DORIP1: variants seen among roughly 807,000 people sequenced by gnomAD.
DORIP1 encodes the protein dopamine receptor-interacting protein 1.
the DORIP1 span, chr14:44,904,233 GT>G: frequency 1.0e-6 from 1 of 985,034 alleles, no homozygotes; most frequent in South Asian, 4.7e-5. Flanking sequence ...GAACTATTAG[GT>G]GATATAAGGT....
the DORIP1 span, among the ~76,000 whole-genome samples, chr14:44,897,812 C>T: frequency 6.6e-6 from 1 of 152,176 alleles, no homozygotes. Flanking sequence ...GGGGGCTCCC[C>T]GGGGGCGCAC....
At chr14:44,900,403 T>C in the DORIP1 span, 1 of 1,407,802 alleles carries the variant, frequency 7.1e-7, no homozygotes, top group Admixed American at 2.7e-5. Context: ...GTTACAATTT[T>C]ATGTGTTCTG....
At chr14:44,899,802 A>G in the DORIP1 span, among the ~76,000 whole-genome samples, 8 of 148,356 alleles carry the variant, frequency 5.4e-5, no homozygotes, top group African/African-American at 2.0e-4. Flanking sequence ...AATGTTTTTA[A>G]TAGCTTTATT....
chr14:44,905,547 A>G, the DORIP1 span: 1 of 1,493,520 alleles, frequency 6.7e-7, no homozygotes, highest in Non-Finnish European at 9.1e-7. Flanking sequence ...CAACAGAGAA[A>G]TAAATATAGA....
chr14:44,904,468 C>T, the DORIP1 span: 4 of 1,612,302 alleles, frequency 2.5e-6, no homozygotes, highest in Non-Finnish European at 3.4e-6. Context: ...CTTAAATATG[C>T]AACATTGGAA....
At chr14:44,900,293 A>T in the DORIP1 span, 2 of 703,212 alleles carry the variant, frequency 2.8e-6, no homozygotes, top group Non-Finnish European at 4.1e-6. Context: ...TGGCTCATTT[A>T]AATTTTTTTG....
chr14:44,904,820 C>T, the DORIP1 span: 7 of 250,596 alleles, frequency 2.8e-5, no homozygotes, highest in African/African-American at 1.1e-4. Context: ...TGTCAGTTTT[C>T]TTATCTATAA....
At chr14:44,903,256 G>A in the DORIP1 span, 1 of 1,613,420 alleles carries the variant, frequency 6.2e-7, no homozygotes, top group East Asian at 2.2e-5. Context: ...GGCTGTGAAT[G>A]AGTTATTCTG....
the DORIP1 span, among the ~76,000 whole-genome samples, chr14:44,897,844 T>C: frequency 1.3e-5 from 2 of 152,184 alleles, no homozygotes; most frequent in Admixed American, 6.5e-5. Flanking sequence ...GCCTTGTCCC[T>C]GTCCCGAAGT....
the DORIP1 span, chr14:44,899,122 T>C: frequency 6.6e-6 from 1 of 152,230 alleles, no homozygotes; most frequent in Non-Finnish European, 1.5e-5. Flanking sequence ...TTGTCCCAAG[T>C]AAAGTGAAGG....
chr14:44,904,882 C>T, the DORIP1 span: 1 of 185,182 alleles, frequency 5.4e-6, no homozygotes, highest in Admixed American at 5.9e-5. Flanking sequence ...ATTTAATAAG[C>T]ACATACTAAG....
chr14:44,903,502 T>TCC, the DORIP1 span: 2 of 1,156,536 alleles, frequency 1.7e-6, no homozygotes, highest in African/African-American at 1.6e-5. Context: ...TTTTCTTTTT[T>TCC]CCCCCCCCAC....
the DORIP1 span, among the ~76,000 whole-genome samples, chr14:44,900,083 G>A: frequency 6.6e-6 from 1 of 152,096 alleles, no homozygotes; most frequent in Non-Finnish European, 1.5e-5. Flanking sequence ...GCCCGCCTCA[G>A]CCTCCCAAAG....
At chr14:44,900,222 C>CA in the DORIP1 span, among the ~76,000 whole-genome samples, 1 of 151,942 alleles carries the variant, frequency 6.6e-6, no homozygotes, top group Non-Finnish European at 1.5e-5. Flanking sequence ...ATCTGTACCT[C>CA]AAAAAAAGAC....
the DORIP1 span, chr14:44,900,560 T>A: frequency 6.2e-7 from 1 of 1,609,876 alleles, no homozygotes; most frequent in Non-Finnish European, 8.5e-7. Context: ...CGCAAAGCAG[T>A]ATCCTGTACA....
the DORIP1 span, chr14:44,903,149 ATATAT>A: frequency 8.1e-7 from 1 of 1,238,854 alleles, no homozygotes; most frequent in Non-Finnish European, 1.2e-6. Context: ...ATTTGTTATA[ATATAT>A]TAAGATATAA....
At chr14:44,904,681 C>A in the DORIP1 span, 1 of 854,398 alleles carries the variant, frequency 1.2e-6, no homozygotes. Context: ...GAATTTATTA[C>A]AGAGAGTCAG....
chr14:44,904,466 T>C, the DORIP1 span: 11 of 1,612,494 alleles, frequency 6.8e-6, no homozygotes, highest in East Asian at 8.9e-5. Flanking sequence ...GTCTTAAATA[T>C]GCAACATTGG....
At chr14:44,899,105 T>A in the DORIP1 span, 4 of 152,248 alleles carry the variant, frequency 2.6e-5, no homozygotes, top group Non-Finnish European at 5.9e-5. Context: ...GTTGTTAGTT[T>A]ATTTGCTTGT....
Sources: allele counts gnomAD v4.1 joint callset (sites outside exome capture counted in the v4.1 genomes callset), GRCh38; gene constraint gnomAD v4.1.1; transcripts MANE v1.5; gene names NCBI Gene and HGNC (gene_info 2026-07-23, HGNC 2026-07-21).